The following EPHB1 variants were observed in gnomAD, a reference collection of about 807,000 sequenced individuals.
The protein encoded by EPHB1 is EPH receptor B1, also known as ephrin type-B receptor 1.
EPHB1 carries 30 observed loss-of-function variants against 94.4 expected under a neutral mutation model. That is an observed-to-expected ratio of 0.32 (90% CI 0.24 to 0.43). The LOEUF is 0.43. Among genes scored for constraint, EPHB1 ranks in the 20% least tolerant of loss-of-function variants. The pLI is 1.00. For synonymous variants in EPHB1, 522 were observed against 489.1 expected (o/e 1.07, Z -0.89); for missense variants, 1,055 against 1,308.3 (o/e 0.81, Z 2.99).
intron 1 of EPHB1, among the ~76,000 whole-genome samples, chr3:134,807,379 G>A (rs937134893): frequency 6.6e-6 from 1 of 152,146 alleles, no homozygotes; most frequent in African/African-American, 2.4e-5. Flanking sequence ...CAGACTACAG[G>A]CTGTAATAGG....
chr3:135,036,658 C>T (rs991390998), intron 3 of EPHB1, among the ~76,000 whole-genome samples: 4 of 152,112 alleles, frequency 2.6e-5, no homozygotes, highest in African/African-American at 4.8e-5. Flanking sequence ...TCTTCTGAAC[C>T]GTTGTATAAG....
At chr3:134,906,377 T>G (rs187259476) in intron 1 of EPHB1, among the ~76,000 whole-genome samples, 141 of 152,346 alleles carry the variant, frequency 9.3e-4, no homozygotes, top group Non-Finnish European at 1.7e-3. Context: ...CTGGTGATTT[T>G]CTGGTATTCT....
At chr3:134,849,817 C>T (rs563823885) in intron 1 of EPHB1, among the ~76,000 whole-genome samples, 46 of 152,276 alleles carry the variant, frequency 3.0e-4, no homozygotes, top group African/African-American at 1.1e-3. Context: ...TCTGTTACCC[C>T]GTTCTTAGAA....
chr3:135,052,419 C>T (rs1559810601), intron 3 of EPHB1, among the ~76,000 whole-genome samples: 1 of 152,110 alleles, frequency 6.6e-6, no homozygotes, highest in Non-Finnish European at 1.5e-5. Flanking sequence ...AAAAAGGAAA[C>T]AATGTTTGCT....
intron 9 of EPHB1, among the ~76,000 whole-genome samples, chr3:135,171,036 C>T (rs1026161631): frequency 1.3e-5 from 2 of 152,128 alleles, no homozygotes; most frequent in Non-Finnish European, 2.9e-5. Flanking sequence ...GGTAAGAGGG[C>T]AGAGCACAGA....
chr3:134,972,441 A>G (rs369613697), intron 3 of EPHB1, among the ~76,000 whole-genome samples: 1 of 145,700 alleles, frequency 6.9e-6, no homozygotes, highest in South Asian at 2.1e-4. Context: ...GGTAATATAT[A>G]TTATATGTAT....
At chr3:135,097,168 GTTTTTT>G (rs145129220) in intron 3 of EPHB1, among the ~76,000 whole-genome samples, 1 of 104,562 alleles carries the variant, frequency 9.6e-6, no homozygotes, top group Non-Finnish European at 1.8e-5. Context: ...TTTTTTCTTT[GTTTTTT>G]TTTTTTTTTT....
intron 3 of EPHB1, among the ~76,000 whole-genome samples, chr3:134,964,369 C>A (rs1398067253): frequency 6.6e-6 from 1 of 152,158 alleles, no homozygotes; most frequent in East Asian, 1.9e-4. Context: ...ACAAAAACAA[C>A]AGAATGGTCG....
At chr3:135,056,113 A>C (rs1937340711) in intron 3 of EPHB1, among the ~76,000 whole-genome samples, 1 of 152,170 alleles carries the variant, frequency 6.6e-6, no homozygotes, top group South Asian at 2.1e-4. Flanking sequence ...TCAGTTACCA[A>C]GTTATTGTAC....
intron 1 of EPHB1, among the ~76,000 whole-genome samples, chr3:134,842,372 C>T (rs945754494): frequency 6.6e-5 from 10 of 152,148 alleles, no homozygotes; most frequent in African/African-American, 2.4e-4. Context: ...CCTAGGAGAC[C>T]TCCTTTACAC....
chr3:134,829,795 A>T (rs2036547895), intron 1 of EPHB1, among the ~76,000 whole-genome samples: 1 of 152,178 alleles, frequency 6.6e-6, no homozygotes, highest in African/African-American at 2.4e-5. Flanking sequence ...TGGTGTCCTT[A>T]TAAAAATGGG....
chr3:134,980,753 T>A (rs1009032171), intron 3 of EPHB1, among the ~76,000 whole-genome samples: 3 of 152,160 alleles, frequency 2.0e-5, no homozygotes, highest in Admixed American at 1.3e-4. Context: ...ATGTGTGTCT[T>A]CATGTAAGAT....
intron 3 of EPHB1, among the ~76,000 whole-genome samples, chr3:135,011,682 CA>C: frequency 6.6e-6 from 1 of 152,172 alleles, no homozygotes; most frequent in African/African-American, 2.4e-5. Context: ...CACAGGTCCC[CA>C]CACTTCCCTT....
intron 3 of EPHB1, among the ~76,000 whole-genome samples, chr3:135,018,006 G>C (rs1935859874): frequency 6.6e-6 from 1 of 152,142 alleles, no homozygotes; most frequent in South Asian, 2.1e-4. Context: ...ACTGTGAGGG[G>C]GGGCATGATG....
rs149096246 is a variant in EPHB1 at position 134,911,862 on chromosome 3, C to T, written c.59-13954C>T. Among the ~76,000 whole-genome samples, 74 of 152,264 alleles carry T rather than the reference C, an allele frequency of 4.9e-4. 2 individuals are homozygous for T. The East Asian group carries it at 0.013, about 26-fold the overall frequency. On this transcript the variant is annotated intron_variant, in intron 1 of 15. Transcript: ENST00000398015. ...ACTGGTTGCCCCTCACTGGCACGTC[C>T]CCAAGCCCCCCACAGCCATCCCACC...
chr3:134,867,050 C>T lies in EPHB1; in HGVS notation c.59-58766C>T, dbSNP rs531655254. Reference sequence around the variant, plus strand: ...GGGGGCTGATCCCGTCCACTGAGAACGGACAATATGTTTGTATAGATGGGA... The same window carrying T: ...GGGGGCTGATCCCGTCCACTGAGAATGGACAATATGTTTGTATAGATGGGA... On this transcript the variant is annotated intron_variant, in intron 1 of 15. Transcript: ENST00000398015. Among the ~76,000 whole-genome samples, 8 of 152,242 alleles carry T rather than the reference C, an allele frequency of 5.3e-5. No individual in the cohort carries two copies. In the East Asian group the frequency reaches 9.7e-4, roughly 18 times the overall value.
chr3:134,904,858 A>T (rs10935141), intron 1 of EPHB1, among the ~76,000 whole-genome samples: 43,098 of 152,152 alleles, frequency 0.28, 7,080 homozygotes, highest in Non-Finnish European at 0.38. Context: ...TCTGTTTTTG[A>T]CAAAATGTTC....
chr3:135,199,634 C>G (rs552044786), intron 11 of EPHB1, among the ~76,000 whole-genome samples: 9 of 152,308 alleles, frequency 5.9e-5, no homozygotes, highest in Admixed American at 2.0e-4. Flanking sequence ...GGGGGCCCTT[C>G]TACTGGCAGA....
intron 1 of EPHB1, among the ~76,000 whole-genome samples, chr3:134,797,310 A>G (rs1412412631): frequency 6.6e-6 from 1 of 152,176 alleles, no homozygotes; most frequent in East Asian, 1.9e-4. Context: ...ACTTATTGAG[A>G]GACACGTGTG....
Sources: gnomAD v4.1 joint callset for allele counts (sites outside exome capture counted in the v4.1 genomes callset) on GRCh38, gnomAD v4.1.1 for gene constraint, MANE v1.5 for transcripts, NCBI Gene and HGNC (gene_info 2026-07-23, HGNC 2026-07-21) for gene names.